Variants in DGKB observed in about 807,000 individuals in gnomAD.
DGKB encodes the protein diacylglycerol kinase beta, also known as 90 kDa diacylglycerol kinase.
Under a neutral mutation model 114.3 loss-of-function variants are expected in DGKB, and 67 were observed. The observed-to-expected ratio is 0.59, with a 90% CI of 0.48 to 0.72. DGKB has a LOEUF of 0.72. Among genes scored for constraint, DGKB ranks in the 30% least tolerant of loss-of-function variants. The pLI is 0.00. For synonymous variants in DGKB, 398 were observed against 323.1 expected, an observed-to-expected ratio of 1.23 and a Z score of -2.49; for missense variants, 907 against 975.2, an observed-to-expected ratio of 0.93 and a Z score of 0.93.
chr7:14,705,912 G>A (rs1172969017), intron 6 of DGKB, among the ~76,000 whole-genome samples: 4 of 151,516 alleles, frequency 2.6e-5, no homozygotes, highest in Admixed American at 1.3e-4. Context: ...ATCAAATAAC[G>A]AGCAAAATCA....
chr7:14,963,798 G>T (rs146133093), intron 1 of DGKB, among the ~76,000 whole-genome samples: 99 of 152,168 alleles, frequency 6.5e-4, no homozygotes, highest in African/African-American at 2.3e-3. Flanking sequence ...CCTTGTAGTA[G>T]GTGGGAGATT....
At chr7:14,373,707 T>A (rs1004060094) in intron 21 of DGKB, among the ~76,000 whole-genome samples, 24 of 152,012 alleles carry the variant, frequency 1.6e-4, no homozygotes. Flanking sequence ...CTCCTCCAAT[T>A]CAGAACAAGC....
chr7:14,929,499 C>T (rs1784900316), intron 1 of DGKB, among the ~76,000 whole-genome samples: 1 of 152,120 alleles, frequency 6.6e-6, no homozygotes, highest in East Asian at 1.9e-4. Flanking sequence ...TTTCATATAC[C>T]TGTTGGCCAT....
intron 21 of DGKB, among the ~76,000 whole-genome samples, chr7:14,405,227 C>A (rs4141592): frequency 0.74 from 113,017 of 151,786 alleles, 42,670 homozygotes; most frequent in Non-Finnish European, 0.81. Context: ...TTCTACATAA[C>A]CTTGTCAGTA....
At chr7:14,740,031 G>A (rs150082804) in intron 4 of DGKB, among the ~76,000 whole-genome samples, 130 of 152,334 alleles carry the variant, frequency 8.5e-4, no homozygotes, top group African/African-American at 3.1e-3. Context: ...GGACTGAGCC[G>A]CAGCTGCTGC....
rs188846297 is a variant in DGKB, at chr7:14,193,058, T to C, written c.2123-14907A>G. Among the ~76,000 whole-genome samples, 5 of 151,526 alleles carry C rather than the reference T, an allele frequency of 3.3e-5. No individual in the cohort carries two copies. In the East Asian group the frequency reaches 5.9e-4, roughly 18 times the overall value. On this transcript the variant is annotated intron_variant, in intron 23 of 25. Coordinates refer to ENST00000402815, the MANE Select transcript of DGKB (RefSeq NM_001350709.2). ...ATGGGGAGCAGCTATAAAATACAGA[T>C]GAAGCTTCACTCTCACCTGCTGCTC...
intron 23 of DGKB, among the ~76,000 whole-genome samples, chr7:14,312,603 G>T (rs1413928283): frequency 6.6e-6 from 1 of 152,124 alleles, no homozygotes; most frequent in East Asian, 1.9e-4. Flanking sequence ...CAATTGTGCT[G>T]CATAACAAAC....
chr7:14,839,905 C>T (rs1847689817), intron 2 of DGKB, among the ~76,000 whole-genome samples: 2 of 151,976 alleles, frequency 1.3e-5, no homozygotes, highest in South Asian at 4.1e-4. Flanking sequence ...TTCTCATACC[C>T]TCATTCAATC....
intron 2 of DGKB, among the ~76,000 whole-genome samples, chr7:14,829,315 C>T (rs891978304): frequency 1.3e-5 from 2 of 152,102 alleles, no homozygotes; most frequent in African/African-American, 2.4e-5. Flanking sequence ...TGCCTTTGTG[C>T]CTACTTGTAT....
At chr7:14,891,518 A>C (rs1394597254) in intron 1 of DGKB, among the ~76,000 whole-genome samples, 1 of 151,538 alleles carries the variant, frequency 6.6e-6, no homozygotes, top group Non-Finnish European at 1.5e-5. Context: ...TGTCAAAGGA[A>C]CATTAGATTG....
chr7:14,885,372 G>A (rs907587517), intron 1 of DGKB, among the ~76,000 whole-genome samples: 2 of 151,914 alleles, frequency 1.3e-5, no homozygotes, highest in African/African-American at 2.4e-5. Flanking sequence ...TACAAAGGTG[G>A]AATAACAGAA....
At chr7:14,281,770 A>G (rs928285856) in intron 23 of DGKB, among the ~76,000 whole-genome samples, 8 of 152,092 alleles carry the variant, frequency 5.3e-5, no homozygotes, top group African/African-American at 1.2e-4. Context: ...TGTTGGGTAC[A>G]TAACGAAATG....
At position 14,449,566 on chromosome 7, in the gene DGKB, C is replaced by T. The variant is rs547229607; in HGVS notation, c.1835+28595G>A. The stretch of plus-strand genomic sequence containing the variant: ...AAAAACTCCTAAAAAACCATCTGCT[C>T]TGGGAGGCATTCCAGCTACAATAAC... On this transcript the variant is annotated intron_variant, in intron 21 of 25. Transcript: ENST00000402815. 4.6e-5 allele frequency among the ~76,000 whole-genome samples: 7 copies of T among 152,156 alleles called. No individual in the cohort carries two copies. The East Asian group carries it at 1.4e-3, about 29-fold the overall frequency.
intron 2 of DGKB, among the ~76,000 whole-genome samples, chr7:14,817,745 G>T (rs925951341): frequency 2.0e-5 from 3 of 152,012 alleles, no homozygotes; most frequent in Admixed American, 2.0e-4. Flanking sequence ...AGATTATATT[G>T]TCAAAACCAA....
intron 1 of DGKB, among the ~76,000 whole-genome samples, chr7:14,966,490 A>C (rs1787158794): frequency 6.6e-6 from 1 of 152,008 alleles, no homozygotes; most frequent in Non-Finnish European, 1.5e-5. Flanking sequence ...TAATAGAGAC[A>C]GGGTCTCACC....
chr7:14,960,276 T>C (rs1452180439), intron 1 of DGKB, among the ~76,000 whole-genome samples: 1 of 152,110 alleles, frequency 6.6e-6, no homozygotes, highest in Non-Finnish European at 1.5e-5. Flanking sequence ...TTAAAGAATA[T>C]ATAACAGCTT....
chr7:14,274,891 G>T (rs1278958493), intron 23 of DGKB, among the ~76,000 whole-genome samples: 1 of 151,682 alleles, frequency 6.6e-6, no homozygotes, highest in Non-Finnish European at 1.5e-5. Flanking sequence ...TCACATTGAG[G>T]ATTAGAAGGT....
intron 21 of DGKB, among the ~76,000 whole-genome samples, chr7:14,442,645 C>T (rs940113412): frequency 6.6e-6 from 1 of 152,008 alleles, no homozygotes; most frequent in Non-Finnish European, 1.5e-5. Context: ...TATAATAATT[C>T]TGTTGTAAGA....
intron 24 of DGKB, among the ~76,000 whole-genome samples, chr7:14,177,283 T>C (rs903884956): frequency 1.3e-5 from 2 of 152,066 alleles, no homozygotes; most frequent in African/African-American, 4.8e-5. Flanking sequence ...CACTTCCAGA[T>C]AAATAACATC....
Sources: gnomAD v4.1 joint callset for allele counts (sites outside exome capture counted in the v4.1 genomes callset) on GRCh38, gnomAD v4.1.1 for gene constraint, MANE v1.5 for transcripts, NCBI Gene and HGNC (gene_info 2026-07-23, HGNC 2026-07-21) for gene names.